Variants in CAMTA2 observed in about 807,000 individuals in gnomAD.
CAMTA2 encodes the protein calmodulin binding transcription activator 2, also known as calmodulin-binding transcription activator 2.
A neutral mutation model predicts 135.7 loss-of-function variants in CAMTA2; 56 were observed. That is an observed-to-expected ratio of 0.41 (90% confidence interval 0.33 to 0.52). CAMTA2 has a LOEUF of 0.52. CAMTA2 is among the 20% of genes least tolerant of loss of function. The probability of loss-of-function intolerance (pLI) is 0.16; values close to 1 mark genes in which losing one functional copy is unlikely to be tolerated. For missense variants in CAMTA2, 1,358 were observed against 1,553.4 expected (o/e 0.87, Z 2.11); for synonymous variants, 591 against 604.6 (o/e 0.98, Z 0.33).
intron 6 of CAMTA2, 69 bp from the exon 7 acceptor site, chr17:4,981,900 A>T: frequency 1.3e-6 from 2 of 1,482,146 alleles, no homozygotes; most frequent in Non-Finnish European, 1.8e-6. Context: ...CCTAATCCTC[A>T]CTTTCTTCCT....
At chr17:4,985,501 G>A (rs1973216989) in intron 3 of CAMTA2, among the ~76,000 whole-genome samples, 1 of 152,170 alleles carries the variant, frequency 6.6e-6, no homozygotes, top group African/African-American at 2.4e-5. Context: ...TCAGCTCACT[G>A]CAGCCTCCGC....
chr17:4,970,479 G>C lies in CAMTA2; in HGVS notation c.2866C>G (p.Arg956Gly), dbSNP rs1265352190. 1 of 1,614,064 alleles carries C rather than the reference G, an allele frequency of 6.2e-7. No individual in the cohort carries two copies. Among genetic ancestry groups the C allele is most frequent in the East Asian group, 2.2e-5 (1 of 44,882 alleles). ...TCGGGCAGCCCCACGAAGTCCTCTCGTTTAATCCGCTCCGGTGTGGCTTCG... is the reference window on the plus strand; with the variant it reads ...TCGGGCAGCCCCACGAAGTCCTCTCCTTTAATCCGCTCCGGTGTGGCTTCG... ...IIEATPERIK[R>G]EDFVGLPEAG... Residue 956 changes from arginine (R) to glycine (G), a missense_variant, in exon 17 of 23, where the codon CGA (arginine) becomes GGA (glycine). By Grantham distance (125) the Arg-to-Gly change is moderately radical (BLOSUM62 -2). Coordinates refer to ENST00000348066, the MANE Select transcript of CAMTA2 (RefSeq NM_015099.4).
intron 15 of CAMTA2, 69 bp downstream of exon 15, chr17:4,972,700 C>G (rs1258000667): frequency 2.0e-6 from 3 of 1,507,230 alleles, no homozygotes; most frequent in Non-Finnish European, 2.8e-6. Flanking sequence ...TTTCCCACAC[C>G]CTTTGGCTTT....
Position 4,970,425 on chromosome 17 carries a change from C to T in CAMTA2, c.2920G>A (p.Gly974Arg). ...ATGGTCTCACTGAGCCCCACAGCCC[C>T]TGTCCGCTCCCGCATTGAGGCTCCA... ...EAGASMRERTGAVGLSETMSW... is the reference protein window; with the variant it reads ...EAGASMRERTRAVGLSETMSW... The change falls in exon 17 of 23, where the codon GGG (glycine) becomes AGG (arginine). Residue 974 changes from glycine (G) to arginine (R), a missense_variant. By Grantham distance (125) the Gly-to-Arg change is moderately radical. Transcript: ENST00000348066. 1 of 1,614,156 alleles carries T rather than the reference C, an allele frequency of 6.2e-7. No homozygotes were observed.
Position 4,968,618 on chromosome 17 carries a change from A to G in CAMTA2, c.*138T>C. Reference sequence around the variant, plus strand: ...GGTGTGGGAGCAAGGCGTGGGGAGGAGGGAGGAGGCCTACAGAGGGCTCCA... The same window carrying G: ...GGTGTGGGAGCAAGGCGTGGGGAGGGGGGAGGAGGCCTACAGAGGGCTCCA... On this transcript the variant is annotated 3_prime_UTR_variant, in exon 23 of 23. Transcript: ENST00000348066. The G allele has an allele frequency of 1.2e-6, 1 of 846,732 alleles. No homozygotes were observed. Among genetic ancestry groups the G allele is most frequent in the Non-Finnish European group, 1.9e-6 (1 of 523,446 alleles). 52.5% of individuals were successfully genotyped at this position (846,732 alleles called of 1,614,324 possible).
chr17:4,981,079 G>A (rs1402351137), intron 8 of CAMTA2, 146 bp downstream of exon 8: 29 of 1,007,704 alleles, frequency 2.9e-5, no homozygotes, highest in East Asian at 2.4e-4. Context: ...AGATGGGAAC[G>A]TCTGTTCATC....
chr17:4,969,675 C>T lies in CAMTA2; in HGVS notation c.3216G>A (p.Glu1072=). The change falls in exon 19 of 23, where the codon GAG becomes GAA. Residue 1072 remains glutamate (E), a synonymous_variant. Coordinates refer to ENST00000348066, the MANE Select transcript of CAMTA2 (RefSeq NM_015099.4). The surrounding 1 kb of genome is among the most constrained non-coding windows in gnomAD (Gnocchi z 5.6). ...YKGRRLKEQQ[E]VAAAVIQRCY... Reference sequence around the variant, plus strand: ...AGCGCTGGATTACAGCTGCTGCTACCTCCTGCTGCTCCTTCAGCCGCCGGC... The same window carrying T: ...AGCGCTGGATTACAGCTGCTGCTACTTCCTGCTGCTCCTTCAGCCGCCGGC... 1 of 1,613,996 alleles carries T rather than the reference C, an allele frequency of 6.2e-7. No homozygotes were observed. Among genetic ancestry groups the T allele is most frequent in the Non-Finnish European group, 8.5e-7 (1 of 1,180,024 alleles).
chr17:4,982,040 C>G (rs1172661209), intron 6 of CAMTA2, 49 bp downstream of exon 6: 1 of 1,435,914 alleles, frequency 7.0e-7, no homozygotes, highest in East Asian at 2.3e-5. Flanking sequence ...GACCCGTGTC[C>G]CTCAAAGAGT....
Position 4,969,495 on chromosome 17 carries a change from A to G in CAMTA2, c.3282+5T>C, listed in dbSNP as rs111684294. The stretch of plus-strand genomic sequence containing the variant: ...GACCTCACACTCAGAGCTCATGCCT[A>G]ATACCTTAAGTGCAATCCAGGTCAG... On this transcript the variant is annotated splice_donor_5th_base_variant and intron_variant, in intron 20 of 22. Transcript: ENST00000348066. The surrounding 1 kb of genome is among the most constrained non-coding windows in gnomAD (Gnocchi z 5.6). 2.1e-5 allele frequency: 34 copies of G among 1,614,092 alleles called. No homozygotes were observed. Among genetic ancestry groups the G allele is most frequent in the Middle Eastern group, 3.3e-4 (2 of 6,062 alleles).
rs956196971 is a variant in CAMTA2, at chr17:4,973,531, C to A, written c.2201+54G>T. Reference sequence around the variant, plus strand: ...GGTCCTCCAATTCCTCTTCAGTCCCCTGACACTTCTGTCCCAGAGGCTGCC... The same window carrying A: ...GGTCCTCCAATTCCTCTTCAGTCCCATGACACTTCTGTCCCAGAGGCTGCC... On this transcript the variant is annotated intron_variant, in intron 13 of 22. Transcript: ENST00000348066. The A allele has an allele frequency of 2.9e-5, 45 of 1,537,754 alleles. No individual in the cohort carries two copies. In the African/African-American group the frequency reaches 5.2e-4, roughly 18 times the overall value.
At chr17:4,983,303 A>G (rs142953448) in intron 3 of CAMTA2, 3 of 390,984 alleles carry the variant, frequency 7.7e-6, no homozygotes, top group South Asian at 2.6e-5. Context: ...TTCTTTTGAG[A>G]TGGAGTTTCA....
rs189323584 is a variant in CAMTA2 at position 4,974,611 on chromosome 17, T to C, written c.1901-111A>G. The C allele has an allele frequency of 1.4e-4, 99 of 687,350 alleles. 1 individual carries two copies. Among genetic ancestry groups the C allele is most frequent in the South Asian group, 1.1e-3 (65 of 60,472 alleles). The allele number at this position is 687,350 out of a possible 1,614,324, so 42.6% of individuals were successfully genotyped here. ...GATGAGGACACAGAACCATATTCTT[T>C]TATCTTCCCCAAAACAACAGCTCCT... On this transcript the variant is annotated intron_variant, in intron 11 of 22. Transcript: ENST00000348066.
At chr17:4,974,298 A>G (rs1972481251) in intron 12 of CAMTA2, 87 bp downstream of exon 12, 1 of 825,278 alleles carries the variant, frequency 1.2e-6, no homozygotes, top group Admixed American at 1.9e-5. Context: ...CAGGAGAGGG[A>G]GGAGAGTCAT....
chr17:4,973,540 C>G, intron 13 of CAMTA2, 45 bp downstream of exon 13: 1 of 1,560,302 alleles, frequency 6.4e-7, no homozygotes, highest in African/African-American at 1.4e-5. Context: ...CCTGACACTT[C>G]TGTCCCAGAG....
At chr17:4,982,669 T>A in intron 5 of CAMTA2, 88 bp downstream of exon 5, 1 of 1,448,414 alleles carries the variant, frequency 6.9e-7, no homozygotes, top group Non-Finnish European at 9.5e-7. Context: ...AGGTGGACAA[T>A]GCCACCAAGC....
Position 4,980,312 on chromosome 17 carries a change from C to A in CAMTA2, c.1010G>T (p.Gly337Val). 1.2e-6 allele frequency: 2 copies of A among 1,612,912 alleles called. No individual in the cohort carries two copies. Among genetic ancestry groups the A allele is most frequent in the Non-Finnish European group, 1.7e-6 (2 of 1,179,320 alleles). ...AGCCAAGTGCCTGGTGGGCGTCAAG[C>A]CTCCAGCCCGCTGCTCCAGTCCTGT... ...LLTGLEQRAG[G>V]LTPTRHLAPQ... The change falls in exon 9 of 23, where the codon GGC (glycine) becomes GTC (valine). Residue 337 changes from glycine (G) to valine (V), a missense_variant. Coordinates refer to ENST00000348066, the MANE Select transcript of CAMTA2 (RefSeq NM_015099.4). This position sits in a 1 kb window ranked among gnomAD's most constrained non-coding sequence, Gnocchi z 5.3.
chr17:4,983,982 G>A lies in CAMTA2; in HGVS notation c.136-939C>T, dbSNP rs529340960. 6.1e-5 allele frequency among the ~76,000 whole-genome samples: 9 copies of A among 148,734 alleles called. No homozygotes were observed. The South Asian group carries it at 6.5e-4, about 11-fold the overall frequency. On this transcript the variant is annotated intron_variant, in intron 3 of 22. Transcript: ENST00000348066. ...ATTTATTTTTTTGAGACAGAGTCTC[G>A]CTCTGTCACCCAGGCTGGAGTGCAG...
In CAMTA2 at chr17:4,968,557, A is replaced by G. The variant is rs979804603; in HGVS notation, c.*199T>C. 1 of 621,836 alleles carries G rather than the reference A, an allele frequency of 1.6e-6. No homozygotes were observed. The highest frequency in any genetic ancestry group is 2.9e-5 in the Admixed American group (1 of 35,056). The allele number at this position is 621,836 out of a possible 1,614,324, so 38.5% of individuals were successfully genotyped here. Reference sequence around the variant, plus strand: ...GCGGGTTTTCTGGAGCCAGGACCAAAAGAGACGGGGCACGACCAGGAGGGA... The same window carrying G: ...GCGGGTTTTCTGGAGCCAGGACCAAGAGAGACGGGGCACGACCAGGAGGGA... On this transcript the variant is annotated 3_prime_UTR_variant, in exon 23 of 23. Transcript: ENST00000348066.
At chr17:4,984,093 G>GGCGCCC (rs1460884379) in intron 3 of CAMTA2, among the ~76,000 whole-genome samples, 1 of 152,132 alleles carries the variant, frequency 6.6e-6, no homozygotes, top group Non-Finnish European at 1.5e-5. Context: ...TGGGACTACA[G>GGCGCCC]GCGCCCACGA....
Sources: gnomAD v4.1 joint callset for allele counts (sites outside exome capture counted in the v4.1 genomes callset) on GRCh38, gnomAD v4.1.1 for gene constraint, Gnocchi (gnomAD v3.1) non-coding constraint, MANE v1.5 for transcripts, NCBI Gene and HGNC (gene_info 2026-07-23, HGNC 2026-07-21) for gene names.